GLI2: variants seen among roughly 807,000 people sequenced by gnomAD.
The protein encoded by GLI2 is GLI family zinc finger 2, also known as transcription activator GLI2.
Under a neutral mutation model 78.9 loss-of-function variants are expected in GLI2, and 22 were observed. That is an observed-to-expected ratio of 0.28 (90% CI 0.20 to 0.40). GLI2 has a LOEUF of 0.40. Among genes scored for constraint, GLI2 ranks in the 10% least tolerant of loss-of-function variants. The probability of loss-of-function intolerance (pLI) is 1.00; values close to 1 mark genes in which losing one functional copy is unlikely to be tolerated. For missense variants in GLI2, 2,097 were observed against 2,213.2 expected (o/e 0.95, Z 1.05); for synonymous variants, 974 against 963.7 (o/e 1.01, Z -0.20).
intron 1 of GLI2, among the ~76,000 whole-genome samples, chr2:120,753,093 ATTTTTTTTTT>A (rs55697602): frequency 8.9e-6 from 1 of 111,868 alleles, no homozygotes. Flanking sequence ...TTCTGTACGT[ATTTTTTTTTT>A]TTTTTTTTTG....
At chr2:120,838,378 T>C (rs953530404) in intron 2 of GLI2, among the ~76,000 whole-genome samples, 1 of 152,222 alleles carries the variant, frequency 6.6e-6, no homozygotes, top group Non-Finnish European at 1.5e-5. Context: ...GCTGATCTTT[T>C]ACTAGTTTTA....
chr2:120,756,651 A>G (rs1195215654), intron 1 of GLI2, among the ~76,000 whole-genome samples: 1 of 152,162 alleles, frequency 6.6e-6, no homozygotes, highest in Non-Finnish European at 1.5e-5. Context: ...ACAGTTCTTT[A>G]AAATTTCTTT....
At chr2:120,851,566 T>C (rs1398984507) in intron 2 of GLI2, among the ~76,000 whole-genome samples, 16 of 152,198 alleles carry the variant, frequency 1.1e-4, no homozygotes, top group Admixed American at 1.0e-3. Flanking sequence ...TTAGGCCTGG[T>C]CCCTGCCCTT....
intron 3 of GLI2, among the ~76,000 whole-genome samples, chr2:120,936,505 C>G (rs1242598994): frequency 6.6e-6 from 1 of 152,142 alleles, no homozygotes; most frequent in African/African-American, 2.4e-5. Flanking sequence ...AAGAACTTCC[C>G]AAGATTGCCC....
At chr2:120,976,285 C>CACGCCG (rs1462632815) in intron 9 of GLI2, among the ~76,000 whole-genome samples, 8 of 152,168 alleles carry the variant, frequency 5.3e-5, no homozygotes, top group Non-Finnish European at 1.0e-4. Flanking sequence ...GCATTTAGGA[C>CACGCCG]ACGCCGACTC....
chr2:120,777,795 G>A (rs1039695172), intron 1 of GLI2, among the ~76,000 whole-genome samples: 5 of 151,336 alleles, frequency 3.3e-5, no homozygotes, highest in African/African-American at 4.9e-5. Context: ...CTTGTTTGGA[G>A]GGACAGCGAT....
At chr2:120,967,303 C>T (rs1302067088) in intron 5 of GLI2, among the ~76,000 whole-genome samples, 2 of 152,204 alleles carry the variant, frequency 1.3e-5, no homozygotes, top group African/African-American at 4.8e-5. Context: ...CACGCTTCGC[C>T]TAATTTACAC....
chr2:120,783,686 AGGGACAGCTG>A (rs1393994433), intron 1 of GLI2, among the ~76,000 whole-genome samples: 1 of 152,198 alleles, frequency 6.6e-6, no homozygotes, highest in East Asian at 1.9e-4. Flanking sequence ...GGTAACAGCC[AGGGACAGCTG>A]GCAGCACAGA....
rs182362111 is a variant in GLI2, at chr2:120,816,425, C to G, written c.148+18957C>G. 2.0e-3 allele frequency among the ~76,000 whole-genome samples: 304 copies of G among 152,136 alleles called. 2 individuals carry two copies. The highest frequency in any genetic ancestry group is 6.9e-3 in the African/African-American group (286 of 41,496). On this transcript the variant is annotated intron_variant, in intron 2 of 13. Transcript: ENST00000361492. ...GGCCAGGCTGGTCTCAAACTCCTGA[C>G]CTCAAGTGATCGGCCCATCTAGGCC...
At chr2:120,888,550 A>G (rs1315681766) in intron 2 of GLI2, among the ~76,000 whole-genome samples, 1 of 148,872 alleles carries the variant, frequency 6.7e-6, no homozygotes, top group East Asian at 2.1e-4. Context: ...AGAGACACAC[A>G]GGCCGTGAGG....
intron 2 of GLI2, among the ~76,000 whole-genome samples, chr2:120,923,681 TACAC>T (rs1342093734): frequency 1.3e-5 from 2 of 151,932 alleles, no homozygotes; most frequent in African/African-American, 2.4e-5. Flanking sequence ...CATATAGCGA[TACAC>T]ATACATATAA....
At position 120,800,868 on chromosome 2, in the gene GLI2, G is replaced by C. The variant is rs1188915492; in HGVS notation, c.148+3400G>C. ...TTATTACACATCAGAGAAGGTGTGGGGTGGGTGGGTCTTATCTGAGGATGT... is the reference window on the plus strand; with the variant it reads ...TTATTACACATCAGAGAAGGTGTGGCGTGGGTGGGTCTTATCTGAGGATGT... On this transcript the variant is annotated intron_variant, in intron 2 of 13. Coordinates refer to ENST00000361492, the MANE Select transcript of GLI2 (RefSeq NM_001374353.1). The surrounding 1 kb of genome is among the most constrained non-coding windows in gnomAD (Gnocchi z 4.1). Among the ~76,000 whole-genome samples the C allele has an allele frequency of 6.6e-6, 1 of 152,148 alleles. No homozygotes were observed. Among genetic ancestry groups the C allele is most frequent in the Non-Finnish European group, 1.5e-5 (1 of 68,026 alleles).
chr2:120,958,284 G>A (rs756046678), intron 5 of GLI2, among the ~76,000 whole-genome samples: 16 of 152,216 alleles, frequency 1.1e-4, no homozygotes, highest in African/African-American at 3.4e-4. Context: ...TGCTGGTGCA[G>A]GTCTCTTTCC....
chr2:120,971,952 C>T lies in GLI2; in HGVS notation c.1071C>T (p.Ser357=), dbSNP rs1267506654. The T allele has an allele frequency of 3.1e-6, 5 of 1,613,696 alleles. No individual in the cohort carries two copies. Among genetic ancestry groups the T allele is most frequent in the Non-Finnish European group, 4.2e-6 (5 of 1,179,832 alleles). ...GCACCCTTCCTCAGAACAAGCAGAG[C>T]AGTGAGTCGGCCGTCAGCAGCACCG... is the stretch of plus-strand genomic sequence containing the variant. ...CLSDTNQNKQ[S]SESAVSSTVN... is the part of the protein sequence containing the mutation. Residue 357 remains serine (S), a synonymous_variant, in exon 8 of 14, where the codon AGC becomes AGT. Transcript: ENST00000361492.
rs753388576 is a variant in GLI2, at chr2:120,797,481, T to G, written c.148+13T>G. On this transcript the variant is annotated intron_variant, in intron 2 of 13. Coordinates refer to ENST00000361492, the MANE Select transcript of GLI2 (RefSeq NM_001374353.1). ...GCTGCCCAAGGAGGTACTTTCTGTT[T>G]CGCACACTTGGAGGGCAGCAGGGGT... 3 of 1,612,758 alleles carry G rather than the reference T, an allele frequency of 1.9e-6. No homozygotes were observed. The highest frequency in any genetic ancestry group is 2.2e-5 in the South Asian group (2 of 91,058).
At chr2:120,782,226 T>C (rs559991376) in intron 1 of GLI2, among the ~76,000 whole-genome samples, 1 of 152,298 alleles carries the variant, frequency 6.6e-6, no homozygotes, top group East Asian at 1.9e-4. Context: ...ATCTTACATG[T>C]TTCTTCTTAC....
Position 120,925,684 on chromosome 2 carries a change from G to C in GLI2, c.149-1677G>C, listed in dbSNP as rs550082609. Among the ~76,000 whole-genome samples the C allele has an allele frequency of 1.3e-5, 2 of 152,288 alleles. 1 individual carries two copies. Among genetic ancestry groups the C allele is most frequent in the South Asian group, 4.1e-4 (2 of 4,828 alleles). On this transcript the variant is annotated intron_variant, in intron 2 of 13. Transcript: ENST00000361492. ...GGAGAGTAATGGGAGTTAGTGTTTC[G>C]TGGGTGCAGAGTTTCAGTTGTGGAG...
intron 1 of GLI2, among the ~76,000 whole-genome samples, chr2:120,761,593 G>C (rs1347024104): frequency 6.6e-6 from 1 of 152,176 alleles, no homozygotes; most frequent in East Asian, 1.9e-4. Flanking sequence ...GGAGGAGTGT[G>C]GAGGCAGAGG....
intron 10 of GLI2, among the ~76,000 whole-genome samples, chr2:120,980,722 T>A (rs956722063): frequency 2.0e-5 from 3 of 152,252 alleles, no homozygotes; most frequent in Admixed American, 6.5e-5. Flanking sequence ...TTTACCTCTA[T>A]GTTTTCTTCT....
Sources: gnomAD v4.1 joint callset for allele counts (sites outside exome capture counted in the v4.1 genomes callset) on GRCh38, gnomAD v4.1.1 for gene constraint, Gnocchi (gnomAD v3.1) non-coding constraint, MANE v1.5 for transcripts, NCBI Gene and HGNC (gene_info 2026-07-23, HGNC 2026-07-21) for gene names.